HACL2: variants seen among roughly 807,000 people sequenced by gnomAD.
The protein encoded by HACL2 is 2-hydroxyacyl-CoA lyase 1 like.
the HACL2 span, chr19:15,123,936 G>T: frequency 1.1e-5 from 3 of 266,304 alleles, no homozygotes; most frequent in Non-Finnish European, 2.2e-5. This position sits in a 1 kb window ranked among gnomAD's most constrained non-coding sequence, Gnocchi z 5.1. Context: ...AGGGGGTTTG[G>T]CCAGGGGCAC....
the HACL2 span, chr19:15,116,063 C>A: frequency 6.2e-7 from 1 of 1,613,906 alleles, no homozygotes. Context: ...CCCAGAGTCC[C>A]AAAGGCCCCT....
the HACL2 span, chr19:15,122,887 C>T: frequency 2.7e-5 from 43 of 1,611,502 alleles, no homozygotes; most frequent in South Asian, 4.4e-5. This position sits in a 1 kb window ranked among gnomAD's most constrained non-coding sequence, Gnocchi z 4.0. Flanking sequence ...CCATCCTCCA[C>T]CTACCTGGGG....
At chr19:15,125,303 C>T in the HACL2 span, 3 of 537,628 alleles carry the variant, frequency 5.6e-6, no homozygotes, top group Admixed American at 3.7e-5. Context: ...TCCTTTACAT[C>T]ACCACCACTC....
At chr19:15,118,140 C>G in the HACL2 span, 1 of 1,199,484 alleles carries the variant, frequency 8.3e-7, no homozygotes, top group Non-Finnish European at 1.2e-6. Context: ...ACCTGTGCCA[C>G]CTACAGTGAC....
At chr19:15,116,631 CG>C in the HACL2 span, 3 of 836,422 alleles carry the variant, frequency 3.6e-6, no homozygotes, top group East Asian at 7.7e-5. Flanking sequence ...AGCAGGCAGA[CG>C]GGAAGCAGGC....
At chr19:15,116,284 G>A in the HACL2 span, 5 of 1,613,832 alleles carry the variant, frequency 3.1e-6, no homozygotes, top group Non-Finnish European at 3.4e-6. Context: ...ACCTGCACTG[G>A]GTTCAGGTGC....
the HACL2 span, chr19:15,115,709 C>G: frequency 1.3e-6 from 2 of 1,595,728 alleles, no homozygotes; most frequent in Non-Finnish European, 1.7e-6. Context: ...CAGCCTTCAG[C>G]CCCATGGCTT....
chr19:15,123,875 G>A, the HACL2 span: 1 of 454,204 alleles, frequency 2.2e-6, no homozygotes. The surrounding 1 kb of genome is among the most constrained non-coding windows in gnomAD (Gnocchi z 5.1). Flanking sequence ...TACACTGCCT[G>A]TCTCCAGGAT....
chr19:15,119,048 A>G, the HACL2 span: 1 of 1,180,074 alleles, frequency 8.5e-7, no homozygotes, highest in Non-Finnish European at 1.2e-6. Flanking sequence ...CTTTATGTGA[A>G]AATGTGTATC....
At chr19:15,115,865 T>C in the HACL2 span, 1 of 1,614,012 alleles carries the variant, frequency 6.2e-7, no homozygotes, top group Non-Finnish European at 8.5e-7. Context: ...GTCTGACGAA[T>C]GTATCAAATT....
the HACL2 span, chr19:15,115,087 C>T: frequency 3.9e-6 from 3 of 778,774 alleles, no homozygotes; most frequent in Non-Finnish European, 6.5e-6. Flanking sequence ...CAAGAGCTCA[C>T]AAGAGAGCCT....
At chr19:15,122,820 G>A in the HACL2 span, 759,398 of 1,613,406 alleles carry the variant, frequency 0.47, 181,216 homozygotes, top group East Asian at 0.64. This position sits in a 1 kb window ranked among gnomAD's most constrained non-coding sequence, Gnocchi z 4.0. Flanking sequence ...GGGACAGGGA[G>A]GACGCTGAGT....
the HACL2 span, chr19:15,124,380 C>A: frequency 5.0e-3 from 759 of 153,292 alleles, 2 homozygotes; most frequent in Non-Finnish European, 7.5e-3. Context: ...TTTAGGGGGA[C>A]ACCTGTGGGG....
the HACL2 span, chr19:15,123,305 A>G: frequency 6.2e-7 from 1 of 1,604,334 alleles, no homozygotes; most frequent in Non-Finnish European, 8.5e-7. This position sits in a 1 kb window ranked among gnomAD's most constrained non-coding sequence, Gnocchi z 5.1. Context: ...ACCTCTGAAA[A>G]ACCCCTACCC....
the HACL2 span, chr19:15,124,701 C>T: frequency 8.9e-6 from 5 of 564,850 alleles, no homozygotes; most frequent in African/African-American, 3.9e-5. Flanking sequence ...GCGAGTGCCC[C>T]GGCAGCGGCA....
At chr19:15,119,526 A>G in the HACL2 span, 2 of 1,608,982 alleles carry the variant, frequency 1.2e-6, no homozygotes, top group African/African-American at 1.3e-5. Context: ...CTGGAGCGAG[A>G]GGTGGGGATC....
chr19:15,123,931 G>A, the HACL2 span: 89 of 278,004 alleles, frequency 3.2e-4, 1 homozygote, highest in Admixed American at 2.4e-4. This position sits in a 1 kb window ranked among gnomAD's most constrained non-coding sequence, Gnocchi z 5.1. Flanking sequence ...AACCCAGGGG[G>A]TTTGGCCAGG....
the HACL2 span, chr19:15,116,253 G>A: frequency 2.8e-5 from 45 of 1,613,854 alleles, no homozygotes; most frequent in Non-Finnish European, 3.5e-5. Flanking sequence ...GTCAGGTAGC[G>A]TTTCCTCCAC....
chr19:15,115,481 A>G, the HACL2 span: 3 of 1,603,512 alleles, frequency 1.9e-6, no homozygotes, highest in South Asian at 1.1e-5. Context: ...CCCACCGCAC[A>G]TGCAGCCAGC....
Sources: allele counts gnomAD v4.1 joint callset, GRCh38; gene constraint gnomAD v4.1.1; non-coding constraint Gnocchi (gnomAD v3.1); transcripts MANE v1.5; gene names NCBI Gene and HGNC (gene_info 2026-07-23, HGNC 2026-07-21).